PTBP2: variants seen among roughly 807,000 people sequenced by gnomAD.
PTBP2 encodes polypyrimidine tract-binding protein 2.
PTBP2 carries 13 observed loss-of-function variants against 61.4 expected under a neutral mutation model. The ratio of observed to expected loss-of-function variants is 0.21; its 90% CI spans 0.14 to 0.34. The LOEUF (loss-of-function observed/expected upper bound fraction) is 0.34. PTBP2 is among the 10% of genes least tolerant of loss of function. PTBP2 has a pLI of 1.00. For synonymous variants in PTBP2, 215 were observed against 218.5 expected, an observed-to-expected ratio of 0.98 and a Z score of 0.14; for missense variants, 405 against 642.6, an observed-to-expected ratio of 0.63 and a Z score of 4.00.
chr1:96,794,728 A>G (rs1660192761), intron 8 of PTBP2, among the ~76,000 whole-genome samples: 1 of 152,196 alleles, frequency 6.6e-6, no homozygotes, highest in South Asian at 2.1e-4. Context: ...TGAAATATAT[A>G]GTGGAGTTAG....
chr1:96,801,925 C>T (rs1200241466), intron 8 of PTBP2, among the ~76,000 whole-genome samples: 1 of 149,338 alleles, frequency 6.7e-6, no homozygotes, highest in Non-Finnish European at 1.5e-5. Context: ...ATAGAACCCA[C>T]ATTAGGCCGG....
intron 7 of PTBP2, among the ~76,000 whole-genome samples, chr1:96,780,298 A>G (rs1290489527): frequency 6.6e-6 from 1 of 151,738 alleles, no homozygotes; most frequent in East Asian, 1.9e-4. Context: ...TTTTAAATGA[A>G]TTTACCTTCA....
chr1:96,745,435 TA>T (rs1208197555), intron 2 of PTBP2, among the ~76,000 whole-genome samples: 1 of 152,152 alleles, frequency 6.6e-6, no homozygotes, highest in African/African-American at 2.4e-5. Flanking sequence ...GTGCTGGGAT[TA>T]TAGGTGTGAG....
In PTBP2 at chr1:96,748,648, GATTA is replaced by G. The variant is rs1224048669; in HGVS notation, c.40-2771_40-2768del. Among the ~76,000 whole-genome samples the G allele has an allele frequency of 3.3e-5, 5 of 152,108 alleles. No homozygotes were observed. The East Asian group carries it at 5.8e-4, about 18-fold the overall frequency. On this transcript the variant is annotated intron_variant, in intron 2 of 13. Transcript: ENST00000674951. The stretch of plus-strand genomic sequence containing the variant: ...GAATCTAAAATTGATATCATTCTTA[GATTA>G]ATTAAAAATTTTTTAAAGAGCATGT...
chr1:96,769,088 C>T (rs1570877458), intron 3 of PTBP2, among the ~76,000 whole-genome samples: 1 of 152,088 alleles, frequency 6.6e-6, no homozygotes, highest in East Asian at 1.9e-4. Context: ...TGAGGATACT[C>T]TCGGAGAAAT....
Position 96,770,800 on chromosome 1 carries a change from T to C in PTBP2, c.381T>C (p.Tyr127=), listed in dbSNP as rs1657290647. 3.8e-6 allele frequency: 6 copies of C among 1,587,880 alleles called. No homozygotes were observed. The highest frequency in any genetic ancestry group is 5.2e-6 in the Non-Finnish European group (6 of 1,156,450). The part of the protein sequence containing the change: ...VTPHLRNQPI[Y]IQYSNHKELK... Reference sequence around the variant, plus strand: ...CTCATCTTCGTAACCAACCAATATATATCCAGTACTCGAATCACAAAGAAC... The same window carrying C: ...CTCATCTTCGTAACCAACCAATATACATCCAGTACTCGAATCACAAAGAAC... Residue 127 remains tyrosine, a synonymous_variant, in exon 5 of 14, where the codon TAT becomes TAC. Transcript: ENST00000674951.
At chr1:96,721,954 C>T (rs1304440010) in intron 1 of PTBP2, 82 bp downstream of exon 1, 3 of 1,527,392 alleles carry the variant, frequency 2.0e-6, no homozygotes, top group Non-Finnish European at 2.7e-6. Flanking sequence ...CGGGGAGAAA[C>T]CCTCCCGCGG....
chr1:96,772,669 TA>T (rs1224581896), intron 5 of PTBP2, among the ~76,000 whole-genome samples: 1 of 152,216 alleles, frequency 6.6e-6, no homozygotes, highest in African/African-American at 2.4e-5. Flanking sequence ...GATAATGTGT[TA>T]TTTGTCTTTC....
At position 96,799,541 on chromosome 1, in the gene PTBP2, C is replaced by T. The variant is rs183685538; in HGVS notation, c.905-5259C>T. On this transcript the variant is annotated intron_variant, in intron 8 of 13. Transcript: ENST00000674951. ...TCGATCTCCTGACCTTGTGATAGAT[C>T]AAGTATTTTTATCCCTCTCATCAAC... 2.9e-3 allele frequency among the ~76,000 whole-genome samples: 439 copies of T among 152,042 alleles called. 2 individuals are homozygous for T. The highest frequency in any genetic ancestry group is 0.01 in the African/African-American group (429 of 41,480).
chr1:96,739,914 G>A (rs1159118161), intron 2 of PTBP2, among the ~76,000 whole-genome samples: 2 of 152,020 alleles, frequency 1.3e-5, no homozygotes, highest in Admixed American at 6.5e-5. Context: ...CTGAGCCACC[G>A]CGCCTGGCCA....
At chr1:96,724,899 C>T (rs192901786) in intron 2 of PTBP2, among the ~76,000 whole-genome samples, 255 of 152,180 alleles carry the variant, frequency 1.7e-3, no homozygotes, top group Non-Finnish European at 2.7e-3. Context: ...GGTGTTCTTT[C>T]AAATACTTTT....
chr1:96,751,193 A>T, intron 2 of PTBP2: 4 of 573,340 alleles, frequency 7.0e-6, no homozygotes, highest in Admixed American at 2.9e-5. Context: ...CACTTTTTCT[A>T]TTTATTGTCT....
chr1:96,737,403 A>G (rs1652373440), intron 2 of PTBP2, among the ~76,000 whole-genome samples: 1 of 152,234 alleles, frequency 6.6e-6, no homozygotes, highest in African/African-American at 2.4e-5. Flanking sequence ...GGGTAAATGC[A>G]ATAGAGATAG....
intron 3 of PTBP2, among the ~76,000 whole-genome samples, chr1:96,757,778 GGAAAGTACT>G (rs1331802425): frequency 1.5e-4 from 23 of 152,122 alleles, no homozygotes; most frequent in African/African-American, 5.5e-4. Context: ...TAGACATCTA[GGAAAGTACT>G]AAATATTAGA....
At chr1:96,816,000 C>T (rs1662467211), downstream of PTBP2, 1 of 152,168 alleles carries the variant, frequency 6.6e-6, no homozygotes, top group African/African-American at 2.4e-5. Flanking sequence ...AAAGTAGGTT[C>T]TGTCACCTTT....
At chr1:96,743,041 C>T (rs1653253481) in intron 2 of PTBP2, among the ~76,000 whole-genome samples, 1 of 152,050 alleles carries the variant, frequency 6.6e-6, no homozygotes, top group Non-Finnish European at 1.5e-5. Flanking sequence ...AATCCCAGCA[C>T]TTCGGGAGGC....
chr1:96,773,621 C>T (rs57778010), intron 5 of PTBP2, among the ~76,000 whole-genome samples: 7,268 of 152,016 alleles, frequency 0.048, 552 homozygotes, highest in African/African-American at 0.16. Context: ...TAAGCTGTTA[C>T]CCCCATTCCC....
chr1:96,815,962 C>T (rs1314666265), downstream of PTBP2: 1 of 152,194 alleles, frequency 6.6e-6, no homozygotes, highest in East Asian at 1.9e-4. Context: ...AAGTTTTTCT[C>T]AGTAATTAGT....
chr1:96,779,812 A>G (rs780354863), intron 7 of PTBP2, among the ~76,000 whole-genome samples: 5 of 152,106 alleles, frequency 3.3e-5, no homozygotes, highest in Non-Finnish European at 7.4e-5. Flanking sequence ...TGATAACTAC[A>G]GTAATGTTCA....
Sources: allele counts gnomAD v4.1 joint callset (sites outside exome capture counted in the v4.1 genomes callset), GRCh38; gene constraint gnomAD v4.1.1; transcripts MANE v1.5; gene names NCBI Gene and HGNC (gene_info 2026-07-23, HGNC 2026-07-21).